Variants in AGL observed in about 807,000 individuals in gnomAD.
AGL encodes the protein amylo-alpha-1,6-glucosidase and 4-alpha-glucanotransferase.
AGL carries 128 observed loss-of-function variants against 199.3 expected under a neutral mutation model. That is an observed-to-expected ratio of 0.64 (90% CI 0.56 to 0.74). AGL has a LOEUF of 0.74. AGL is among the 30% of genes least tolerant of loss of function. The pLI, the probability that AGL is intolerant of heterozygous loss-of-function variation, is 0.00. For missense variants in AGL, 1,809 were observed against 1,820.8 expected (o/e 0.99, Z 0.12); for synonymous variants, 584 against 594.7 (o/e 0.98, Z 0.26).
At chr1:99,915,189 G>C (rs1655021198) in intron 30 of AGL, among the ~76,000 whole-genome samples, 200 bp from the exon 31 acceptor site, 1 of 152,114 alleles carries the variant, frequency 6.6e-6, no homozygotes, top group Non-Finnish European at 1.5e-5. Flanking sequence ...ACCTCTAAAG[G>C]CTTTCCTAAC....
At chr1:99,899,811 G>A (rs926436106) in intron 25 of AGL, among the ~76,000 whole-genome samples, 20 of 151,472 alleles carry the variant, frequency 1.3e-4, no homozygotes, top group East Asian at 1.9e-4. Flanking sequence ...TAGTAGAGAC[G>A]GGGTTTCACC....
chr1:99,879,848 T>C, intron 12 of AGL, 75 bp from the exon 13 acceptor site: 2 of 1,265,488 alleles, frequency 1.6e-6, no homozygotes, highest in Non-Finnish European at 2.3e-6. Context: ...TCCTTTTGTC[T>C]CTTTCCTTCC....
At chr1:99,860,468 A>G (rs547341900) in intron 2 of AGL, among the ~76,000 whole-genome samples, 5 of 152,236 alleles carry the variant, frequency 3.3e-5, no homozygotes, top group Non-Finnish European at 7.4e-5. Flanking sequence ...GTATTTTTGT[A>G]TTCTAATAAT....
At chr1:99,879,731 C>G (rs904906441) in intron 12 of AGL, among the ~76,000 whole-genome samples, 192 bp from the exon 13 acceptor site, 4 of 152,070 alleles carry the variant, frequency 2.6e-5, no homozygotes, top group Non-Finnish European at 5.9e-5. Flanking sequence ...TTTGCAAAAT[C>G]TAATCTTCCT....
intron 14 of AGL, 71 bp downstream of exon 14, chr1:99,880,866 C>T (rs1651958094): frequency 6.6e-7 from 1 of 1,520,540 alleles, no homozygotes; most frequent in African/African-American, 1.4e-5. Context: ...GACACTTGGT[C>T]ACAATCATAC....
rs1557764702 is a variant in AGL, at chr1:99,881,662, G to A, written c.2279G>A (p.Ser760Asn). ...AGGAATCCCAAGACTTCATTTTACA[G>A]CAAGGAAGTGCCTCAAATGTGCATC... is the stretch of plus-strand genomic sequence containing the variant. The part of the protein sequence containing the change: ...AFRNPKTSFY[S>N]KEVPQMCIPG... Residue 760 changes from serine (S) to asparagine (N), a missense_variant, in exon 17 of 34, where the codon AGC becomes AAC. Transcript: ENST00000361915. The A allele has an allele frequency of 6.2e-7, 1 of 1,613,812 alleles. No homozygotes were observed. The highest frequency in any genetic ancestry group is 2.2e-5 in the East Asian group (1 of 44,858).
At chr1:99,891,929 A>G (rs1652928897) in intron 23 of AGL, among the ~76,000 whole-genome samples, 190 bp downstream of exon 23, 1 of 152,166 alleles carries the variant, frequency 6.6e-6, no homozygotes, top group African/African-American at 2.4e-5. Context: ...TGAATATTAT[A>G]AAATCTGTTC....
At chr1:99,853,666 C>T (rs1363588600) in intron 2 of AGL, among the ~76,000 whole-genome samples, 1 of 151,392 alleles carries the variant, frequency 6.6e-6, no homozygotes, top group African/African-American at 2.4e-5. Context: ...GGCTGGAGGA[C>T]CACTTGAGGC....
chr1:99,910,733 TTGA>T lies in AGL; in HGVS notation c.3726_3728del (p.Asp1242del), dbSNP rs755688229. The T allele has an allele frequency of 6.2e-7, 1 of 1,607,768 alleles. No individual in the cohort carries two copies. Among genetic ancestry groups the T allele is most frequent in the Non-Finnish European group, 8.5e-7 (1 of 1,174,878 alleles). On this transcript the variant is annotated inframe_deletion, in exon 28 of 34. Transcript: ENST00000361915. ...TTAGGTTTTAATATAACTGCAGGAG[TTGA>T]TGAAGAAACAGGATTTGTTTATGGA...
Position 99,875,419 on chromosome 1 carries a change from T to C in AGL, c.1247T>C (p.Leu416Pro). 1 of 1,614,162 alleles carries C rather than the reference T, an allele frequency of 6.2e-7. No homozygotes were observed. Among genetic ancestry groups the C allele is most frequent in the Non-Finnish European group, 8.5e-7 (1 of 1,180,014 alleles). Residue 416 changes from leucine (L) to proline (P), a missense_variant, in exon 10 of 34, where the codon CTA (leucine) becomes CCA (proline). Transcript: ENST00000361915. ...CGACTGGCTGGCCATGGTCCAAAACTAGGACCTGTCACTAGAAAGCATCCT... is the reference window on the plus strand; with the variant it reads ...CGACTGGCTGGCCATGGTCCAAAACCAGGACCTGTCACTAGAAAGCATCCT... ...YERLAGHGPK[L>P]GPVTRKHPLV...
In AGL at chr1:99,870,764, C is replaced by T. The variant is rs755747010; in HGVS notation, c.853C>T (p.Arg285Ter). 19 of 1,591,868 alleles carry T rather than the reference C, an allele frequency of 1.2e-5. No individual in the cohort carries two copies. The highest frequency in any genetic ancestry group is 4.5e-5 in the East Asian group (2 of 44,648). Reference protein sequence around the residue: ...IENDHHMNSIRKIIWEDIFPK... With the variant: ...IENDHHMNSI The stretch of plus-strand genomic sequence containing the variant: ...AACTATTGACATTTTTCAGTCCATC[C>T]GAAAAATAATTTGGGAGGATATTTT... The change falls in exon 7 of 34, where the codon CGA becomes TGA. Residue 285 changes from arginine to a stop codon, truncating the protein, a stop_gained. Coordinates refer to ENST00000361915, the MANE Select transcript of AGL (RefSeq NM_000642.3). LOFTEE classifies it high-confidence loss of function.
intron 5 of AGL, 52 bp downstream of exon 5, chr1:99,864,641 C>A: frequency 7.2e-7 from 1 of 1,396,088 alleles, no homozygotes; most frequent in Non-Finnish European, 1.0e-6. Flanking sequence ...TTTATGCACA[C>A]ACACATATAC....
At chr1:99,889,378 C>G (rs1652709285) in intron 21 of AGL, among the ~76,000 whole-genome samples, 1 of 151,842 alleles carries the variant, frequency 6.6e-6, no homozygotes, top group African/African-American at 2.4e-5. Flanking sequence ...CTAAAATATT[C>G]TCATTTTTAA....
chr1:99,873,551 C>T (rs1162947673), intron 7 of AGL, among the ~76,000 whole-genome samples: 1 of 151,978 alleles, frequency 6.6e-6, no homozygotes, highest in Non-Finnish European at 1.5e-5. Context: ...TCTCCTGCCT[C>T]AGCCTCCCGA....
At chr1:99,904,609 C>G (rs926915001) in intron 27 of AGL, among the ~76,000 whole-genome samples, 1 of 152,036 alleles carries the variant, frequency 6.6e-6, no homozygotes, top group Non-Finnish European at 1.5e-5. Flanking sequence ...ATGGTCACAC[C>G]TGACCACTCC....
At chr1:99,901,767 G>T (rs537686477) in intron 26 of AGL, among the ~76,000 whole-genome samples, 17 of 152,022 alleles carry the variant, frequency 1.1e-4, no homozygotes, top group Non-Finnish European at 1.9e-4. Context: ...TGATTGGGGG[G>T]GCTGGGAGGG....
chr1:99,864,302 A>T, intron 4 of AGL, 84 bp from the exon 5 acceptor site: 8 of 1,230,198 alleles, frequency 6.5e-6, no homozygotes, highest in Non-Finnish European at 9.5e-6. Flanking sequence ...ATTACTTAAG[A>T]AAGTTTAAAT....
At chr1:99,915,342 C>T in intron 30 of AGL, 47 bp from the exon 31 acceptor site, 1 of 1,448,810 alleles carries the variant, frequency 6.9e-7, no homozygotes, top group East Asian at 2.3e-5. Flanking sequence ...GGAACTAATT[C>T]TTCTGTGATC....
Position 99,875,231 on chromosome 1 carries a change from G to T in AGL, c.1160G>T (p.Arg387Leu). 1.2e-6 allele frequency: 2 copies of T among 1,613,990 alleles called. No homozygotes were observed. The highest frequency in any genetic ancestry group is 1.7e-6 in the Non-Finnish European group (2 of 1,179,928). The change falls in exon 9 of 34, where the codon CGA (arginine) becomes CTA (leucine). Residue 387 changes from arginine (R) to leucine (L), a missense_variant. By Grantham distance (102) the Arg-to-Leu change is moderately radical. Transcript: ENST00000361915. Reference protein sequence around the residue: ...RMEELNSEKHRLINYHQEQAV... With the variant: ...RMEELNSEKHLLINYHQEQAV... Reference sequence around the variant, plus strand: ...GAGGAATTAAATTCAGAGAAGCATCGACTCATTAACTATCATCAGGAACAG... The same window carrying T: ...GAGGAATTAAATTCAGAGAAGCATCTACTCATTAACTATCATCAGGAACAG...
Sources: gnomAD v4.1 joint callset for allele counts (sites outside exome capture counted in the v4.1 genomes callset) on GRCh38, gnomAD v4.1.1 for gene constraint, MANE v1.5 for transcripts, NCBI Gene and HGNC (gene_info 2026-07-23, HGNC 2026-07-21) for gene names.